Variants in EML1 observed in about 807,000 individuals in gnomAD.
The protein encoded by EML1 is EMAP like 1.
EML1 carries 27 observed loss-of-function variants against 110.4 expected under a neutral mutation model. That is an observed-to-expected ratio of 0.24 (90% CI 0.18 to 0.34). The LOEUF is 0.34. Ranked by LOEUF, EML1 falls within the 10% of genes least tolerant of loss-of-function variation. The pLI, the probability that EML1 is intolerant of heterozygous loss-of-function variation, is 1.00. For synonymous variants in EML1, 344 were observed against 385.8 expected (o/e 0.89, Z 1.27); for missense variants, 741 against 1,030.9 (o/e 0.72, Z 3.85).
intron 3 of EML1, among the ~76,000 whole-genome samples, chr14:99,876,133 A>G: frequency 7.3e-6 from 1 of 136,400 alleles, no homozygotes; most frequent in Non-Finnish European, 1.7e-5. Context: ...GTATAGACAG[A>G]GGAGACAGAG....
chr14:99,794,934 G>A (rs1032572577), intron 1 of EML1, among the ~76,000 whole-genome samples: 4 of 152,154 alleles, frequency 2.6e-5, no homozygotes, highest in Non-Finnish European at 2.9e-5. Context: ...TTAACATTTT[G>A]AATAGGTTCC....
At chr14:99,897,802 T>A (rs1595451061) in intron 7 of EML1, among the ~76,000 whole-genome samples, 1 of 152,230 alleles carries the variant, frequency 6.6e-6, no homozygotes, top group Admixed American at 6.5e-5. Context: ...GGTAGGCATA[T>A]TACATATCTT....
intron 1 of EML1, among the ~76,000 whole-genome samples, chr14:99,798,378 T>C (rs1194931561): frequency 6.6e-6 from 1 of 150,894 alleles, no homozygotes; most frequent in Non-Finnish European, 1.5e-5. Context: ...ACCTCCCTTA[T>C]TCCAAAGTCT....
intron 1 of EML1, among the ~76,000 whole-genome samples, chr14:99,808,502 A>G (rs2058018885): frequency 6.6e-6 from 1 of 152,222 alleles, no homozygotes; most frequent in African/African-American, 2.4e-5. Context: ...GTCAGAGTGT[A>G]AGAACTTCCA....
At chr14:99,916,777 C>T (rs180815041) in intron 15 of EML1, among the ~76,000 whole-genome samples, 44 of 152,310 alleles carry the variant, frequency 2.9e-4, no homozygotes, top group African/African-American at 9.1e-4. Context: ...GTCCAAAAAA[C>T]GACTGGAGTG....
In EML1 at chr14:99,894,692, A is replaced by G. The variant is rs752060828; in HGVS notation, c.611A>G (p.Gln204Arg). The G allele has an allele frequency of 6.2e-7, 1 of 1,613,920 alleles. No homozygotes were observed. The highest frequency in any genetic ancestry group is 1.1e-5 in the South Asian group (1 of 91,016). The change falls in exon 6 of 22, where the codon CAA becomes CGA. Residue 204 changes from glutamine (Q) to arginine (R), a missense_variant. Gln to Arg is a conservative substitution (Grantham distance 43). This residue lies in a region of EML1 where 226 missense variants were observed against 255.6 expected (regional missense o/e 0.88). Transcript: ENST00000262233. ...GTTACCATGTACATGCCCAAAGATC[A>G]AGTGGATTCTTACAGCTTGGAAGCA... ...RPVTMYMPKD[Q>R]VDSYSLEAKV...
At chr14:99,878,236 G>A (rs1158959639) in intron 3 of EML1, among the ~76,000 whole-genome samples, 1 of 151,536 alleles carries the variant, frequency 6.6e-6, no homozygotes, top group Non-Finnish European at 1.5e-5. Flanking sequence ...ACACGGTACT[G>A]TTGAAGTCTT....
At chr14:99,918,689 A>G (rs2060074848) in intron 16 of EML1, among the ~76,000 whole-genome samples, 1 of 152,086 alleles carries the variant, frequency 6.6e-6, no homozygotes, top group Non-Finnish European at 1.5e-5. Flanking sequence ...ATGGTGGTCC[A>G]CATCTGTATT....
At chr14:99,873,549 G>A (rs947187578) in intron 3 of EML1, among the ~76,000 whole-genome samples, 2 of 152,236 alleles carry the variant, frequency 1.3e-5, no homozygotes, top group African/African-American at 4.8e-5. Context: ...AGAGGTGGAA[G>A]TATTGTCCTG....
chr14:99,859,307 G>A (rs1419450988), intron 2 of EML1, among the ~76,000 whole-genome samples: 21 of 152,124 alleles, frequency 1.4e-4, no homozygotes, highest in Non-Finnish European at 4.4e-5. Context: ...ACAGGAAACT[G>A]CTGAGCATAA....
intron 2 of EML1, among the ~76,000 whole-genome samples, chr14:99,854,511 G>A (rs766556599): frequency 7.2e-5 from 11 of 152,136 alleles, no homozygotes; most frequent in Non-Finnish European, 1.2e-4. Context: ...CTGTCCCTGC[G>A]GTTGGCCTGC....
chr14:99,918,705 C>T (rs1049297229), intron 16 of EML1, among the ~76,000 whole-genome samples: 2 of 152,090 alleles, frequency 1.3e-5, no homozygotes, highest in Non-Finnish European at 2.9e-5. Flanking sequence ...GTATTAGCTA[C>T]TCAGGAGGCT....
rs2057575055 is a variant in EML1, at chr14:99,784,166, C to A, written c.-27+10153C>A. Among the ~76,000 whole-genome samples, 1 of 152,170 alleles carries A rather than the reference C, an allele frequency of 6.6e-6. No homozygotes were observed. Among genetic ancestry groups the A allele is most frequent in the South Asian group, 2.1e-4 (1 of 4,836 alleles). ...AGTGCAGTGGCACGATCACGGCTCA[C>A]TGTAGCCTTGACCACCCAGGCTCAA... On this transcript the variant is annotated intron_variant, in intron 1 of 22. Coordinates refer to the EML1 transcript ENST00000327921. The surrounding 1 kb of genome is among the most constrained non-coding windows in gnomAD (Gnocchi z 4.5).
Position 99,822,430 on chromosome 14 carries a change from T to C in EML1, c.68-28423T>C, listed in dbSNP as rs557193076. Among the ~76,000 whole-genome samples the C allele has an allele frequency of 5.9e-5, 9 of 152,330 alleles. No individual in the cohort carries two copies. In the South Asian group the frequency reaches 1.9e-3, roughly 32 times the overall value. On this transcript the variant is annotated intron_variant, in intron 1 of 21. Transcript: ENST00000262233. ...TATTTGTAAGCTCCATTCACAGATA[T>C]GATTTGAATGGTAATATAACTAGGG...
At chr14:99,880,566 G>GCGTT (rs1283847805) in intron 4 of EML1, among the ~76,000 whole-genome samples, 1 of 152,178 alleles carries the variant, frequency 6.6e-6, no homozygotes, top group African/African-American at 2.4e-5. Context: ...AAACATTACT[G>GCGTT]CGTTCAGTGG....
At chr14:99,866,322 G>A (rs1172520773) in intron 3 of EML1, among the ~76,000 whole-genome samples, 1 of 152,114 alleles carries the variant, frequency 6.6e-6, no homozygotes. Context: ...TGTAATTCCA[G>A]CACTTTGGGA....
intron 1 of EML1, among the ~76,000 whole-genome samples, chr14:99,765,364 A>G (rs1016090665): frequency 1.3e-5 from 2 of 151,966 alleles, no homozygotes; most frequent in African/African-American, 4.8e-5. Flanking sequence ...CTCTGTGCCC[A>G]CTGAACAATA....
chr14:99,939,235 G>A lies in EML1; in HGVS notation c.2230G>A (p.Ala744Thr). 6.2e-7 allele frequency: 1 copy of A among 1,614,202 alleles called. No homozygotes were observed. Among genetic ancestry groups the A allele is most frequent in the Non-Finnish European group, 8.5e-7 (1 of 1,180,034 alleles). The change falls in exon 21 of 22, where the codon GCC becomes ACC. Residue 744 changes from alanine (A) to threonine (T), a missense_variant. This residue lies in a region of EML1 where 114 missense variants were observed against 122.5 expected (regional missense o/e 0.93). Coordinates refer to ENST00000262233, the MANE Select transcript of EML1 (RefSeq NM_004434.3). The surrounding 1 kb of genome is among the most constrained non-coding windows in gnomAD (Gnocchi z 4.2). ...PEGSDGTDIN[A>T]VCRAHEKKLL... The stretch of plus-strand genomic sequence containing the variant: ...AGGCTCGGACGGAACCGACATCAAT[G>A]CCGTCTGTCGGGCCCATGAGAAGAA...
intron 1 of EML1, among the ~76,000 whole-genome samples, chr14:99,786,042 A>G (rs1595278054): frequency 1.4e-5 from 2 of 141,486 alleles, no homozygotes; most frequent in African/African-American, 5.6e-5. Flanking sequence ...TGGAGCCTAC[A>G]GTCCACACCC....
Sources: allele counts gnomAD v4.1 joint callset (sites outside exome capture counted in the v4.1 genomes callset), GRCh38; gene constraint gnomAD v4.1.1; regional missense constraint gnomAD v4.1.1; non-coding constraint Gnocchi (gnomAD v3.1); transcripts MANE v1.5; gene names NCBI Gene and HGNC (gene_info 2026-07-23, HGNC 2026-07-21).